PBX1: variants seen among roughly 807,000 people sequenced by gnomAD.
PBX1 encodes pre-B-cell leukemia transcription factor 1.
PBX1 carries 6 observed loss-of-function variants against 53.4 expected under a neutral mutation model. That is an observed-to-expected ratio of 0.11 (90% confidence interval 0.06 to 0.22). The LOEUF (loss-of-function observed/expected upper bound fraction) is 0.22, where lower values mean the gene tolerates loss of function less well. Ranked by LOEUF, PBX1 falls within the 10% of genes least tolerant of loss-of-function variation. The probability of loss-of-function intolerance (pLI) is 1.00; values close to 1 mark genes in which losing one functional copy is unlikely to be tolerated. For synonymous variants in PBX1, 204 were observed against 212.3 expected, an observed-to-expected ratio of 0.96 and a Z score of 0.34; for missense variants, 251 against 551.4, an observed-to-expected ratio of 0.46 and a Z score of 5.46.
At chr1:164,782,031 C>A (rs1417596073) in intron 2 of PBX1, among the ~76,000 whole-genome samples, 1 of 152,180 alleles carries the variant, frequency 6.6e-6, no homozygotes, top group East Asian at 1.9e-4. Flanking sequence ...AAACAAAACC[C>A]TCTGAAAAAC....
chr1:164,642,243 T>G (rs1202947758), intron 2 of PBX1: 2 of 152,050 alleles, frequency 1.3e-5, no homozygotes, highest in East Asian at 3.9e-4. Context: ...CAGAACCAAG[T>G]GCAGGCTTAC....
chr1:164,636,731 C>T (rs1658806032), intron 2 of PBX1, among the ~76,000 whole-genome samples: 1 of 152,132 alleles, frequency 6.6e-6, no homozygotes, highest in Non-Finnish European at 1.5e-5. Context: ...TTGGCTGTAA[C>T]ACTGGAGCCC....
chr1:164,599,071 ATTTTTTTTT>A (rs375145672), intron 2 of PBX1, among the ~76,000 whole-genome samples: 1 of 118,852 alleles, frequency 8.4e-6, no homozygotes, highest in African/African-American at 3.2e-5. Context: ...TTTCCTCCTG[ATTTTTTTTT>A]TTTTTTTTGC....
At chr1:164,690,288 T>C (rs548445480) in intron 2 of PBX1, among the ~76,000 whole-genome samples, 3 of 150,644 alleles carry the variant, frequency 2.0e-5, no homozygotes, top group East Asian at 3.9e-4. Flanking sequence ...GACAGACTGC[T>C]GTGAAAGGGT....
chr1:164,655,317 T>C (rs796117993), intron 2 of PBX1, among the ~76,000 whole-genome samples: 16 of 152,182 alleles, frequency 1.1e-4, no homozygotes, highest in African/African-American at 3.9e-4. Context: ...TTCTCCATGG[T>C]GGTCAGACTG....
chr1:164,736,916 C>CA (rs1035595444), intron 2 of PBX1, among the ~76,000 whole-genome samples: 7 of 152,002 alleles, frequency 4.6e-5, no homozygotes, highest in Non-Finnish European at 1.0e-4. Flanking sequence ...ATGGTGGAGC[C>CA]AAAAAATAGA....
At chr1:164,600,611 G>A (rs1360776592) in intron 2 of PBX1, among the ~76,000 whole-genome samples, 2 of 152,286 alleles carry the variant, frequency 1.3e-5, no homozygotes, top group Non-Finnish European at 2.9e-5. Context: ...GGCAAACAGA[G>A]CTTTTGGCAC....
chr1:164,822,148 G>A (rs1163923077), intron 8 of PBX1, among the ~76,000 whole-genome samples: 3 of 152,134 alleles, frequency 2.0e-5, no homozygotes, highest in Non-Finnish European at 4.4e-5. Context: ...GGGTACGCTG[G>A]CGGCTCCTGA....
At chr1:164,766,382 A>G (rs990902331) in intron 2 of PBX1, among the ~76,000 whole-genome samples, 2 of 151,944 alleles carry the variant, frequency 1.3e-5, no homozygotes, top group Non-Finnish European at 2.9e-5. Flanking sequence ...TCTTATTTCT[A>G]TTTTCTCTCA....
rs569540826 is a variant in PBX1, at chr1:164,651,437, C to G, written c.265+88126C>G. 5.3e-5 allele frequency among the ~76,000 whole-genome samples: 8 copies of G among 152,164 alleles called. No homozygotes were observed. In the East Asian group the frequency reaches 1.2e-3, roughly 22 times the overall value. The stretch of plus-strand genomic sequence containing the variant: ...GTGGCTGTCTCGTTTCCCTACCCTC[C>G]GATGTCATTAACGCACAGAGAGCGG... On this transcript the variant is annotated intron_variant, in intron 2 of 8. Coordinates refer to ENST00000420696, the MANE Select transcript of PBX1 (RefSeq NM_002585.4).
downstream of PBX1, among the ~76,000 whole-genome samples, chr1:164,855,475 AT>A (rs71767506): frequency 0.33 from 49,415 of 151,734 alleles, 8,221 homozygotes; most frequent in South Asian, 0.37. Context: ...CTAGTATCCC[AT>A]TTTTTTTCTA....
At chr1:164,635,408 A>T (rs573686076) in intron 2 of PBX1, among the ~76,000 whole-genome samples, 1 of 152,364 alleles carries the variant, frequency 6.6e-6, no homozygotes, top group East Asian at 1.9e-4. Context: ...AGTGCGACTT[A>T]GTAAAAATGA....
At chr1:164,798,244 A>G (rs1668885061) in intron 3 of PBX1, among the ~76,000 whole-genome samples, 1 of 152,196 alleles carries the variant, frequency 6.6e-6, no homozygotes, top group Admixed American at 6.5e-5. Context: ...TGTTATTGTT[A>G]TTGCGTTGTC....
At chr1:164,833,115 T>G (rs1354546393) in intron 8 of PBX1, among the ~76,000 whole-genome samples, 1 of 152,074 alleles carries the variant, frequency 6.6e-6, no homozygotes, top group Non-Finnish European at 1.5e-5. Context: ...TTAAAATAAT[T>G]AGGAATTTAT....
chr1:164,734,911 T>C (rs1025306545), intron 2 of PBX1, among the ~76,000 whole-genome samples: 1 of 152,190 alleles, frequency 6.6e-6, no homozygotes, highest in Admixed American at 6.5e-5. Context: ...TATGACTTAT[T>C]ATTTTCCAAG....
chr1:164,664,775 A>C (rs1660708998), intron 2 of PBX1, among the ~76,000 whole-genome samples: 1 of 152,216 alleles, frequency 6.6e-6, no homozygotes, highest in African/African-American at 2.4e-5. Context: ...GGATGGCAGC[A>C]GGCAAAAAAA....
At position 164,577,998 on chromosome 1, in the gene PBX1, G is replaced by A. The variant is rs538720330; in HGVS notation, c.265+14687G>A. 3.9e-5 allele frequency among the ~76,000 whole-genome samples: 6 copies of A among 152,274 alleles called. No individual in the cohort carries two copies. In the South Asian group the frequency reaches 1.2e-3, roughly 32 times the overall value. ...TCAGCAATGGTGATAGTAAAGAATG[G>A]AAATAACTGCTTCCTTCTGCTCCTG... is the stretch of plus-strand genomic sequence containing the variant. On this transcript the variant is annotated intron_variant, in intron 2 of 8. Coordinates refer to ENST00000420696, the MANE Select transcript of PBX1 (RefSeq NM_002585.4).
At chr1:164,691,032 T>G (rs1662444098) in intron 2 of PBX1, among the ~76,000 whole-genome samples, 1 of 147,498 alleles carries the variant, frequency 6.8e-6, no homozygotes, top group Non-Finnish European at 1.5e-5. Context: ...TTTTTTTTTT[T>G]GTGACAGAGT....
intron 2 of PBX1, among the ~76,000 whole-genome samples, chr1:164,608,893 ATTCT>A (rs1317419057): frequency 6.6e-6 from 1 of 152,150 alleles, no homozygotes; most frequent in East Asian, 1.9e-4. Context: ...CCAATTCATG[ATTCT>A]TTCTCTGTGG....
Sources: gnomAD v4.1 joint callset for allele counts (sites outside exome capture counted in the v4.1 genomes callset) on GRCh38, gnomAD v4.1.1 for gene constraint, MANE v1.5 for transcripts, NCBI Gene and HGNC (gene_info 2026-07-23, HGNC 2026-07-21) for gene names.